The following NPAS3 variants were observed in gnomAD, a reference collection of about 807,000 sequenced individuals.
The protein encoded by NPAS3 is neuronal PAS domain-containing protein 3.
Under a neutral mutation model 73.1 loss-of-function variants are expected in NPAS3, and 14 were observed. The observed-to-expected ratio is 0.19, with a 90% CI of 0.13 to 0.30. NPAS3 has a LOEUF of 0.30. Among genes scored for constraint, NPAS3 ranks in the 10% least tolerant of loss-of-function variants. NPAS3 has a pLI of 1.00. For synonymous variants in NPAS3, 620 were observed against 541.5 expected (o/e 1.14, Z -2.01); for missense variants, 1,096 against 1,250.0 (o/e 0.88, Z 1.86).
At chr14:33,171,561 C>A (rs1477741002) in intron 2 of NPAS3, among the ~76,000 whole-genome samples, 2 of 152,202 alleles carry the variant, frequency 1.3e-5, no homozygotes, top group Admixed American at 6.5e-5. Flanking sequence ...CTCTGTCAGC[C>A]TTCATAGAAC....
chr14:33,680,448 A>G (rs1027412235), intron 6 of NPAS3, among the ~76,000 whole-genome samples: 1 of 152,190 alleles, frequency 6.6e-6, no homozygotes, highest in Non-Finnish European at 1.5e-5. Flanking sequence ...TCCTAGATTT[A>G]GTTTCTGTTC....
At chr14:33,248,484 G>T (rs2048468025) in intron 3 of NPAS3, among the ~76,000 whole-genome samples, 1 of 151,712 alleles carries the variant, frequency 6.6e-6, no homozygotes, top group African/African-American at 2.4e-5. Flanking sequence ...TATTTTGCAT[G>T]GTTAAAGTAT....
At chr14:33,681,711 G>A (rs1278807164) in intron 6 of NPAS3, among the ~76,000 whole-genome samples, 1 of 152,130 alleles carries the variant, frequency 6.6e-6, no homozygotes, top group Non-Finnish European at 1.5e-5. Context: ...TAATATCATG[G>A]AGACTGCTCA....
At chr14:33,580,715 T>C (rs1458502441) in intron 5 of NPAS3, among the ~76,000 whole-genome samples, 5 of 152,304 alleles carry the variant, frequency 3.3e-5, no homozygotes, top group Non-Finnish European at 7.3e-5. Flanking sequence ...TTTATCCATA[T>C]CTGTGGGAAG....
chr14:33,403,032 G>A (rs2047511670), intron 4 of NPAS3, among the ~76,000 whole-genome samples: 1 of 151,944 alleles, frequency 6.6e-6, no homozygotes, highest in African/African-American at 2.4e-5. Context: ...GCATTGGTAG[G>A]GGCTTAAAAA....
At chr14:33,410,453 A>G (rs1295816969) in intron 4 of NPAS3, among the ~76,000 whole-genome samples, 1 of 152,166 alleles carries the variant, frequency 6.6e-6, no homozygotes, top group African/African-American at 2.4e-5. Context: ...AGTTGATTCA[A>G]TTCATCCTCT....
intron 1 of NPAS3, among the ~76,000 whole-genome samples, chr14:32,969,572 TTAGA>T (rs1221336594): frequency 6.6e-6 from 1 of 152,188 alleles, no homozygotes; most frequent in Non-Finnish European, 1.5e-5. Context: ...GGTGATTTTG[TTAGA>T]TTGAGTTTGT....
At chr14:33,410,539 A>G (rs540299941) in intron 4 of NPAS3, among the ~76,000 whole-genome samples, 1 of 152,328 alleles carries the variant, frequency 6.6e-6, no homozygotes, top group African/African-American at 2.4e-5. Flanking sequence ...CAGAAAATTC[A>G]TTACTTCTCA....
chr14:33,601,201 G>T (rs2139997837), intron 5 of NPAS3, among the ~76,000 whole-genome samples: 1 of 152,348 alleles, frequency 6.6e-6, no homozygotes, highest in East Asian at 1.9e-4. Context: ...GAAGTCAGGA[G>T]AAATGGATTC....
chr14:33,249,610 G>C (rs1282071022), intron 3 of NPAS3, among the ~76,000 whole-genome samples: 1 of 152,022 alleles, frequency 6.6e-6, no homozygotes, highest in Non-Finnish European at 1.5e-5. Flanking sequence ...GGACCTGCAG[G>C]ATTGTCTTTT....
chr14:33,125,139 C>T (rs1272818634), intron 2 of NPAS3, among the ~76,000 whole-genome samples: 1 of 151,972 alleles, frequency 6.6e-6, no homozygotes, highest in East Asian at 1.9e-4. Context: ...TCTCAGTGCC[C>T]AGACTTTTGC....
rs1361620347 is a variant in NPAS3 at position 32,963,251 on chromosome 14, T to C, written c.50+23885T>C. ...GTGTTTGCTGTAATAGGCCCCATATTAGCTATCTTTCAGATTTTAAATACA... is the reference window on the plus strand; with the variant it reads ...GTGTTTGCTGTAATAGGCCCCATATCAGCTATCTTTCAGATTTTAAATACA... On this transcript the variant is annotated intron_variant, in intron 1 of 11. Coordinates refer to ENST00000356141, the Ensembl canonical transcript of NPAS3. Among the ~76,000 whole-genome samples, 3 of 152,226 alleles carry C rather than the reference T, an allele frequency of 2.0e-5. No individual in the cohort carries two copies. The East Asian group carries it at 5.8e-4, about 29-fold the overall frequency.
At chr14:33,725,843 G>T (rs2061250028) in intron 6 of NPAS3, among the ~76,000 whole-genome samples, 1 of 152,090 alleles carries the variant, frequency 6.6e-6, no homozygotes. Flanking sequence ...GGCTTTCTTT[G>T]ATCGCAAAAC....
At chr14:33,627,633 A>C (rs142684399) in intron 5 of NPAS3, among the ~76,000 whole-genome samples, 4 of 152,356 alleles carry the variant, frequency 2.6e-5, no homozygotes, top group African/African-American at 9.6e-5. Context: ...TTTCACGCAC[A>C]TAACTTTGCA....
intron 6 of NPAS3, among the ~76,000 whole-genome samples, chr14:33,708,001 A>G (rs1330189293): frequency 6.6e-6 from 1 of 152,142 alleles, no homozygotes; most frequent in Non-Finnish European, 1.5e-5. Flanking sequence ...TAGAAATTAC[A>G]TTTTATTACC....
At chr14:33,205,689 A>T (rs61584648) in intron 2 of NPAS3, among the ~76,000 whole-genome samples, 219 of 152,326 alleles carry the variant, frequency 1.4e-3, no homozygotes, top group African/African-American at 5.1e-3. Flanking sequence ...AGGAATGTGG[A>T]TGAAGTATAA....
At chr14:33,153,898 A>G (rs2044551536) in intron 2 of NPAS3, among the ~76,000 whole-genome samples, 1 of 152,072 alleles carries the variant, frequency 6.6e-6, no homozygotes, top group Non-Finnish European at 1.5e-5. Context: ...GTTTACTACC[A>G]CAAAAAGTTT....
chr14:33,582,350 T>C (rs2056697567), intron 5 of NPAS3, among the ~76,000 whole-genome samples: 1 of 152,202 alleles, frequency 6.6e-6, no homozygotes, highest in South Asian at 2.1e-4. Context: ...CCCAAAAGGC[T>C]TGGTTATGTT....
chr14:33,126,907 A>G (rs553264283), intron 2 of NPAS3, among the ~76,000 whole-genome samples: 8 of 152,276 alleles, frequency 5.3e-5, no homozygotes, highest in Non-Finnish European at 1.0e-4. Context: ...TGATTACAAA[A>G]ATACATGTAA....
Sources: gnomAD v4.1 joint callset for allele counts (sites outside exome capture counted in the v4.1 genomes callset) on GRCh38, gnomAD v4.1.1 for gene constraint, MANE v1.5 for transcripts, NCBI Gene and HGNC (gene_info 2026-07-23, HGNC 2026-07-21) for gene names.